The following FIGNL2 variants were observed in gnomAD, a reference collection of about 807,000 sequenced individuals.
FIGNL2 encodes fidgetin like 2.
For missense variants in FIGNL2, 1,060 were observed against 950.2 expected (o/e 1.12, Z -1.52); for synonymous variants, 565 against 484.0 (o/e 1.17, Z -2.20).
intron 1 of FIGNL2, among the ~76,000 whole-genome samples, chr12:51,826,378 CA>C (rs1939342988): frequency 6.6e-6 from 1 of 151,816 alleles, no homozygotes; most frequent in South Asian, 2.1e-4. Context: ...CCTGTAATCC[CA>C]GCACTTTGTG....
chr12:51,833,447 C>A (rs997173108), intron 1 of FIGNL2, among the ~76,000 whole-genome samples: 1 of 152,192 alleles, frequency 6.6e-6, no homozygotes, highest in Non-Finnish European at 1.5e-5. Flanking sequence ...ATAAGTCATT[C>A]TTCCACCAAA....
intron 1 of FIGNL2, among the ~76,000 whole-genome samples, chr12:51,830,713 A>C (rs12299466): frequency 0.049 from 7,504 of 152,022 alleles, 436 homozygotes; most frequent in South Asian, 0.15. Context: ...GGCTGGTCTC[A>C]AACTCCTGAC....
At chr12:51,840,426 TG>T (rs1447809418) in intron 1 of FIGNL2, among the ~76,000 whole-genome samples, 3 of 152,094 alleles carry the variant, frequency 2.0e-5, no homozygotes, top group Non-Finnish European at 4.4e-5. Flanking sequence ...GAAAAATACA[TG>T]GGGCTACAAA....
chr12:51,845,294 T>G (rs892744167), intron 1 of FIGNL2, among the ~76,000 whole-genome samples: 1 of 152,226 alleles, frequency 6.6e-6, no homozygotes, highest in African/African-American at 2.4e-5. Flanking sequence ...ATTTCTTGCT[T>G]CTTTGACTGC....
At chr12:51,827,356 A>G (rs545891691) in intron 1 of FIGNL2, among the ~76,000 whole-genome samples, 88 of 151,626 alleles carry the variant, frequency 5.8e-4, no homozygotes, top group African/African-American at 2.1e-3. Flanking sequence ...AGGTTGCCTG[A>G]CCTCAGTGAA....
chr12:51,848,173 T>C (rs1939792749), intron 1 of FIGNL2: 8 of 984,144 alleles, frequency 8.1e-6, no homozygotes, highest in South Asian at 4.7e-5. Context: ...GCTGGATCCT[T>C]CTGGGACCCG....
At position 51,822,380 on chromosome 12, in the gene FIGNL2, TGAG is replaced by T. The variant is rs1939239912; in HGVS notation, c.31_33del (p.Leu11del). 6.2e-7 allele frequency: 1 copy of T among 1,613,542 alleles called. No individual in the cohort carries two copies. The highest frequency in any genetic ancestry group is 8.5e-7 in the Non-Finnish European group (1 of 1,179,806). ...TCCAGGTGCTGCTCTGGCCACTGGTTGAGGGGCTGGGCGTGTTCTGGTGTCCAG... is the reference window on the plus strand; with the variant it reads ...TCCAGGTGCTGCTCTGGCCACTGGTTGGGCTGGGCGTGTTCTGGTGTCCAG... On this transcript the variant is annotated inframe_deletion, in exon 2 of 2. Coordinates refer to ENST00000618634, the MANE Select transcript of FIGNL2 (RefSeq NM_001384995.1).
In FIGNL2 at chr12:51,820,007, C is replaced by T; in HGVS notation, c.*445G>A. ...AGGGGCAGGAGAGAAACAGGGCCAGCATGGGGTGGGCAGGGGTGTCAGCGA... is the reference window on the plus strand; with the variant it reads ...AGGGGCAGGAGAGAAACAGGGCCAGTATGGGGTGGGCAGGGGTGTCAGCGA... On this transcript the variant is annotated 3_prime_UTR_variant, in exon 2 of 2. Coordinates refer to ENST00000618634, the MANE Select transcript of FIGNL2 (RefSeq NM_001384995.1). 5.3e-6 allele frequency: 1 copy of T among 187,180 alleles called. No homozygotes were observed. The highest frequency in any genetic ancestry group is 1.1e-5 in the Non-Finnish European group (1 of 90,268). 11.6% of individuals were successfully genotyped at this position (187,180 alleles called of 1,614,324 possible).
chr12:51,821,166 G>T lies in FIGNL2; in HGVS notation c.1248C>A (p.Pro416=), dbSNP rs1285610755. The part of the protein sequence containing the change: ...EELVWPLLRP[P]AYPGSLRPPR... ...GCGGGCGCAGGCTGCCCGGGTAGGCGGGCGGCCTGAGCAGGGGCCACACCA... is the reference window on the plus strand; with the variant it reads ...GCGGGCGCAGGCTGCCCGGGTAGGCTGGCGGCCTGAGCAGGGGCCACACCA... The change falls in exon 2 of 2, where the codon CCC becomes CCA. Residue 416 remains proline, a synonymous_variant. Transcript: ENST00000618634. The T allele has an allele frequency of 6.8e-7, 1 of 1,478,504 alleles. No homozygotes were observed. Among genetic ancestry groups the T allele is most frequent in the Non-Finnish European group, 8.9e-7 (1 of 1,125,208 alleles). The allele number at this position is 1,478,504 out of a possible 1,614,324, so 91.6% of individuals were successfully genotyped here.
chr12:51,826,399 C>T (rs1010602415), intron 1 of FIGNL2, among the ~76,000 whole-genome samples: 21 of 151,126 alleles, frequency 1.4e-4, no homozygotes, highest in African/African-American at 4.9e-4. Flanking sequence ...GAGGCTGAGG[C>T]GGGTGGATCA....
At chr12:51,847,207 G>T in intron 1 of FIGNL2, 2 of 985,412 alleles carry the variant, frequency 2.0e-6, no homozygotes, top group South Asian at 9.4e-5. Context: ...TGGGATTTCG[G>T]GGTAGGCTCC....
At chr12:51,826,941 T>C (rs1278441167) in intron 1 of FIGNL2, among the ~76,000 whole-genome samples, 2 of 152,234 alleles carry the variant, frequency 1.3e-5, no homozygotes, top group African/African-American at 4.8e-5. Flanking sequence ...TGCAGGCACA[T>C]GTGCATATGT....
intron 1 of FIGNL2, chr12:51,835,449 C>T (rs1381427318): frequency 3.9e-5 from 6 of 152,242 alleles, no homozygotes. Context: ...GAGTCCTGCC[C>T]AAGGCCACCA....
Position 51,845,367 on chromosome 12 carries a change from C to T in FIGNL2, c.-12+3173G>A, listed in dbSNP as rs990758973. The T allele has an allele frequency of 3.4e-5, 23 of 675,804 alleles. No individual in the cohort carries two copies. In the African/African-American group the frequency reaches 3.9e-4, roughly 12 times the overall value. The allele number at this position is 675,804 out of a possible 1,614,324, so 41.9% of individuals were successfully genotyped here. ...AGGGTCCCTCTGCCCTGATCTCCCT[C>T]ACCAGACAGCCAGCTCCCAAAAGGG... On this transcript the variant is annotated intron_variant, in intron 1 of 1. Transcript: ENST00000618634.
intron 1 of FIGNL2, among the ~76,000 whole-genome samples, chr12:51,836,696 A>C (rs1336019511): frequency 6.6e-6 from 1 of 152,174 alleles, no homozygotes; most frequent in Non-Finnish European, 1.5e-5. Context: ...CACACATTGA[A>C]TAAGCCCCCA....
At chr12:51,842,682 C>T (rs936393918) in intron 1 of FIGNL2, among the ~76,000 whole-genome samples, 10 of 152,022 alleles carry the variant, frequency 6.6e-5, no homozygotes, top group African/African-American at 2.4e-4. Context: ...GCAATCTGCT[C>T]AGGACTCCTC....
rs752523792 is a variant in FIGNL2 at position 51,821,159 on chromosome 12, G to T, written c.1255C>A (p.Pro419Thr). ...VWPLLRPPAY[P>T]GSLRPPRTVL... is the part of the protein sequence containing the mutation. The stretch of plus-strand genomic sequence containing the variant: ...GTCCGCGGCGGGCGCAGGCTGCCCG[G>T]GTAGGCGGGCGGCCTGAGCAGGGGC... The change falls in exon 2 of 2, where the codon CCG becomes ACG. Residue 419 changes from proline (P) to threonine (T), a missense_variant. By Grantham distance (38) the Pro-to-Thr change is conservative. Transcript: ENST00000618634. The T allele has an allele frequency of 4.4e-4, 646 of 1,475,458 alleles. 2 individuals carry two copies. The African/African-American group carries it at 8.8e-3, about 20-fold the overall frequency. 91.4% of individuals were successfully genotyped at this position (1,475,458 alleles called of 1,614,324 possible).
chr12:51,847,705 C>G, intron 1 of FIGNL2: 1 of 985,318 alleles, frequency 1.0e-6, no homozygotes, highest in Non-Finnish European at 1.2e-6. Context: ...GGGAAGGGCA[C>G]CAGCATTTGC....
chr12:51,845,425 GC>G, intron 1 of FIGNL2: 1 of 974,210 alleles, frequency 1.0e-6, no homozygotes, highest in Non-Finnish European at 1.2e-6. Flanking sequence ...GGTAGCAGAT[GC>G]CAGCACCCCA....
Sources: allele counts gnomAD v4.1 joint callset (sites outside exome capture counted in the v4.1 genomes callset), GRCh38; gene constraint gnomAD v4.1.1; transcripts MANE v1.5; gene names NCBI Gene and HGNC (gene_info 2026-07-23, HGNC 2026-07-21).